The following CDH18 variants were observed in gnomAD, a reference collection of about 807,000 sequenced individuals.
CDH18 encodes the protein cadherin 18, also known as cadherin-18.
Under a neutral mutation model 67.9 loss-of-function variants are expected in CDH18, and 31 were observed. The observed-to-expected ratio is 0.46, with a 90% confidence interval of 0.34 to 0.62. The LOEUF is 0.62. Among genes scored for constraint, CDH18 ranks in the 20% least tolerant of loss-of-function variants. CDH18 has a pLI of 0.01. For missense variants in CDH18, 890 were observed against 975.5 expected, an observed-to-expected ratio of 0.91 and a Z score of 1.17; for synonymous variants, 362 against 347.2, an observed-to-expected ratio of 1.04 and a Z score of -0.48.
At chr5:20,015,115 T>A (rs2150421587) in intron 2 of CDH18, among the ~76,000 whole-genome samples, 1 of 152,284 alleles carries the variant, frequency 6.6e-6, no homozygotes, top group Admixed American at 6.5e-5. Flanking sequence ...GGGTTTCTAG[T>A]AATCTATCTG....
chr5:19,967,478 T>C (rs555369341), intron 2 of CDH18, among the ~76,000 whole-genome samples: 10 of 152,242 alleles, frequency 6.6e-5, no homozygotes, highest in African/African-American at 1.9e-4. Flanking sequence ...GTGTTGTACA[T>C]ATTGTACAGA....
chr5:19,630,599 C>T (rs1353516444), intron 5 of CDH18, among the ~76,000 whole-genome samples: 3 of 152,058 alleles, frequency 2.0e-5, no homozygotes, highest in South Asian at 2.1e-4. Context: ...GGCCTTGCTT[C>T]GCCCACTCAC....
chr5:20,241,876 T>A (rs2940435), intron 2 of CDH18, among the ~76,000 whole-genome samples: 1,187 of 84,716 alleles, frequency 0.014, 26 homozygotes, highest in African/African-American at 0.078. Flanking sequence ...TAAAATAAAA[T>A]AAAATATATA....
chr5:20,234,873 G>C (rs979036953), intron 2 of CDH18, among the ~76,000 whole-genome samples: 12 of 152,218 alleles, frequency 7.9e-5, no homozygotes, highest in African/African-American at 2.9e-4. Context: ...TGAAACCGCA[G>C]ATGATGAATC....
chr5:20,068,530 C>A (rs1743177132), intron 2 of CDH18, among the ~76,000 whole-genome samples: 1 of 152,004 alleles, frequency 6.6e-6, no homozygotes, highest in Admixed American at 6.6e-5. Flanking sequence ...GAAAGGAAAT[C>A]TGGAATAATG....
intron 1 of CDH18, among the ~76,000 whole-genome samples, chr5:20,424,804 T>C (rs1208548299): frequency 7.0e-6 from 1 of 142,898 alleles, no homozygotes; most frequent in Non-Finnish European, 1.5e-5. Flanking sequence ...AAAACATGGT[T>C]TCAGACACTA....
At chr5:20,424,832 G>A (rs1748165543) in intron 1 of CDH18, among the ~76,000 whole-genome samples, 1 of 148,648 alleles carries the variant, frequency 6.7e-6, no homozygotes, top group African/African-American at 2.6e-5. Context: ...CAAGAGAGAG[G>A]CAGAGGGAAT....
At chr5:20,042,701 C>T (rs1319180530) in intron 2 of CDH18, among the ~76,000 whole-genome samples, 12 of 152,132 alleles carry the variant, frequency 7.9e-5, no homozygotes, top group African/African-American at 2.2e-4. Flanking sequence ...CGGTGGCTCA[C>T]GCCTGTAATC....
chr5:19,513,917 T>C (rs1450512657), intron 10 of CDH18, among the ~76,000 whole-genome samples: 1 of 152,178 alleles, frequency 6.6e-6, no homozygotes, highest in African/African-American at 2.4e-5. Flanking sequence ...TACATATGTA[T>C]ACCTGTGCCA....
At chr5:20,420,410 G>A (rs994240668) in intron 1 of CDH18, among the ~76,000 whole-genome samples, 1 of 151,020 alleles carries the variant, frequency 6.6e-6, no homozygotes, top group South Asian at 2.1e-4. Flanking sequence ...TGGAAAAATC[G>A]ATGTATTCCA....
chr5:19,608,084 A>G (rs1748351245), intron 6 of CDH18, among the ~76,000 whole-genome samples: 1 of 151,746 alleles, frequency 6.6e-6, no homozygotes, highest in South Asian at 2.1e-4. Flanking sequence ...ATCTCTCTCA[A>G]TAACAGACGA....
At chr5:20,566,257 T>C (rs1758497185) in intron 1 of CDH18, among the ~76,000 whole-genome samples, 2 of 152,084 alleles carry the variant, frequency 1.3e-5, no homozygotes, top group African/African-American at 4.8e-5. Flanking sequence ...GAAGCTTCCG[T>C]TGTTGACAAG....
At chr5:19,885,611 A>T (rs1296841330) in intron 2 of CDH18, among the ~76,000 whole-genome samples, 3 of 152,146 alleles carry the variant, frequency 2.0e-5, no homozygotes, top group Non-Finnish European at 4.4e-5. Context: ...CTCAGGCTGG[A>T]GTACAGTGGT....
chr5:20,460,921 C>T (rs1751221376), intron 1 of CDH18, among the ~76,000 whole-genome samples: 1 of 152,156 alleles, frequency 6.6e-6, no homozygotes, highest in Non-Finnish European at 1.5e-5. Flanking sequence ...ATAATTCGTA[C>T]TGCAACTAAC....
intron 2 of CDH18, among the ~76,000 whole-genome samples, chr5:19,845,151 C>T (rs1235341148): frequency 6.6e-6 from 1 of 150,478 alleles, no homozygotes; most frequent in Non-Finnish European, 1.5e-5. Context: ...TTCTTTGTAT[C>T]CAGTTCATGG....
chr5:19,734,360 G>C (rs1401734029), intron 4 of CDH18, among the ~76,000 whole-genome samples: 1 of 152,128 alleles, frequency 6.6e-6, no homozygotes, highest in Non-Finnish European at 1.5e-5. Context: ...CATCAGAAGA[G>C]GGGACTTGTG....
Position 19,473,069 on chromosome 5 carries a change from C to A in CDH18, c.*157G>T. ...TTTTACTTTCTTCCAATTAAATAAC[C>A]CAGTTTCGATCATGAAAAGGGCACT... On this transcript the variant is annotated 3_prime_UTR_variant, in exon 13 of 13. Transcript: ENST00000382275. 7.0e-6 allele frequency: 5 copies of A among 717,012 alleles called. No homozygotes were observed. Among genetic ancestry groups the A allele is most frequent in the East Asian group, 2.6e-5 (1 of 38,076 alleles). 44.4% of individuals were successfully genotyped at this position (717,012 alleles called of 1,614,324 possible). A position where few individuals can be genotyped will look rare whatever the true frequency, so the allele number is the denominator to read the frequency against.
At position 20,328,722 on chromosome 5, in the gene CDH18, T is replaced by C. The variant is rs767746460; in HGVS notation, c.-579-73217A>G. 6.2e-4 allele frequency among the ~76,000 whole-genome samples: 95 copies of C among 152,272 alleles called. 1 individual carries two copies. Among genetic ancestry groups the C allele is most frequent in the Middle Eastern group, 3.4e-3 (1 of 294 alleles). On this transcript the variant is annotated intron_variant, in intron 1 of 14. Coordinates refer to the CDH18 transcript ENST00000507958. The stretch of plus-strand genomic sequence containing the variant: ...TTTGATTCCCATACCGGGTCAGGCA[T>C]GGTGGCTCACACCTGTACTCCACCA...
chr5:20,252,065 T>A (rs1200035277), intron 2 of CDH18, among the ~76,000 whole-genome samples: 1 of 152,152 alleles, frequency 6.6e-6, no homozygotes, highest in African/African-American at 2.4e-5. Context: ...TATGCAGCTG[T>A]TTTTTATTAT....
Sources: allele counts gnomAD v4.1 joint callset (sites outside exome capture counted in the v4.1 genomes callset), GRCh38; gene constraint gnomAD v4.1.1; transcripts MANE v1.5; gene names NCBI Gene and HGNC (gene_info 2026-07-23, HGNC 2026-07-21).